Variants in MPP1 observed in about 807,000 individuals in gnomAD.
MPP1 encodes the protein MAGUK p55 scaffold protein 1.
MPP1 carries 6 observed loss-of-function variants against 38.2 expected under a neutral mutation model. The observed-to-expected ratio is 0.16, with a 90% CI of 0.09 to 0.31. The LOEUF (loss-of-function observed/expected upper bound fraction) is 0.31. Among genes scored for constraint, MPP1 ranks in the 10% least tolerant of loss-of-function variants. The pLI is 1.00. For missense variants in MPP1, 293 were observed against 368.9 expected (o/e 0.79, Z 1.69); for synonymous variants, 153 against 146.3 (o/e 1.05, Z -0.33).
At chrX:154,792,004 TTGAGA>T (rs2072147026) in intron 2 of MPP1, 133 bp downstream of exon 2, 1 of 1,018,685 alleles carries the variant, frequency 9.8e-7, no homozygotes, top group African/African-American at 1.9e-5. Flanking sequence ...GAGGAGGAAT[TTGAGA>T]TAAGAATGAA....
intron 1 of MPP1, among the ~76,000 whole-genome samples, chrX:154,805,067 G>A (rs1338912873): frequency 8.8e-6 from 1 of 113,141 alleles, no homozygotes; most frequent in Non-Finnish European, 1.9e-5. Flanking sequence ...ACTGCTGGGG[G>A]CAAGGATCCA....
chrX:154,783,415 A>G lies in MPP1; in HGVS notation c.946+12T>C. ...TGTCACCTCCCCTCCAAGGTGCCTA[A>G]GAGCTACTTACATGGGACAGGGTAC... On this transcript the variant is annotated intron_variant, in intron 9 of 11. Coordinates refer to ENST00000369534, the MANE Select transcript of MPP1 (RefSeq NM_002436.4). 8.4e-7 allele frequency: 1 copy of G among 1,195,668 alleles called. No homozygotes were observed.
rs782621821 is a variant in MPP1, at chrX:154,779,318, C to T, written c.1260G>A (p.Glu420=). The T allele has an allele frequency of 1.7e-6, 2 of 1,208,691 alleles. No individual in the cohort carries two copies. Among genetic ancestry groups the T allele is most frequent in the African/African-American group, 1.7e-5 (1 of 57,217 alleles). ...EALQQLQKDS[E]AIRSQYAHYF... ...AGTGAGCGTACTGGCTGCGGATGGC[C>T]TCAGAGTCCTTCTGCAGCTGCTGCA... is the stretch of plus-strand genomic sequence containing the variant. The change falls in exon 12 of 12, where the codon GAG becomes GAA. Residue 420 remains glutamate, a synonymous_variant. Transcript: ENST00000369534.
chrX:154,783,553 C>A lies in MPP1; in HGVS notation c.866-46G>T, dbSNP rs924923017. ...ATCTTTTGGAAAGGGGGGAGAGGAG[C>A]GAGGATAAGATACGGATTTTCCTCT... On this transcript the variant is annotated intron_variant, in intron 8 of 11. Transcript: ENST00000369534. The A allele has an allele frequency of 2.8e-6, 3 of 1,068,196 alleles. No homozygotes were observed. In the African/African-American group the frequency reaches 5.5e-5, roughly 20 times the overall value. 88.0% of individuals were successfully genotyped at this position (1,068,196 alleles called of 1,213,427 possible). A position where few individuals can be genotyped will look rare whatever the true frequency, so the allele number is the denominator to read the frequency against.
chrX:154,781,049 G>A (rs1444310357), intron 11 of MPP1, among the ~76,000 whole-genome samples, 190 bp downstream of exon 11: 4 of 111,735 alleles, frequency 3.6e-5, no homozygotes, highest in African/African-American at 1.3e-4. Flanking sequence ...GGTAGCATGG[G>A]CACTGGCCTA....
chrX:154,805,157 T>C, intron 1 of MPP1, 115 bp downstream of exon 1: 1 of 754,790 alleles, frequency 1.3e-6, no homozygotes, highest in Non-Finnish European at 1.9e-6. Flanking sequence ...CTCCGACCTA[T>C]GGCCAGGACC....
At chrX:154,804,104 G>A (rs1315007151) in intron 1 of MPP1, among the ~76,000 whole-genome samples, 2 of 112,155 alleles carry the variant, frequency 1.8e-5, no homozygotes, top group Non-Finnish European at 1.9e-5. Flanking sequence ...GTAAGGCAAT[G>A]CGGTGCAGCA....
At chrX:154,802,743 A>G (rs1197254648) in intron 1 of MPP1, among the ~76,000 whole-genome samples, 1 of 112,356 alleles carries the variant, frequency 8.9e-6, no homozygotes, top group South Asian at 3.6e-4. Context: ...GATAGGCTAC[A>G]TTCAAACCTA....
intron 1 of MPP1, among the ~76,000 whole-genome samples, chrX:154,793,630 C>T (rs897164055): frequency 9.0e-6 from 1 of 111,357 alleles, no homozygotes; most frequent in Non-Finnish European, 1.9e-5. Flanking sequence ...ATCTTTTTGG[C>T]GCCATTCCAA....
rs782255707 is a variant in MPP1, at chrX:154,798,699, ATTG to A, written c.103-6417_103-6415del. On this transcript the variant is annotated intron_variant, in intron 1 of 11. Coordinates refer to ENST00000369534, the MANE Select transcript of MPP1 (RefSeq NM_002436.4). ...GGGGATGGAACAGTTCTCTATCTTCATTGTGGTGGTGGCTAGAGGAATTTTATT... is the reference window on the plus strand; with the variant it reads ...GGGGATGGAACAGTTCTCTATCTTCATGGTGGTGGCTAGAGGAATTTTATT... Among the ~76,000 whole-genome samples, 8 of 111,567 alleles carry A rather than the reference ATTG, an allele frequency of 7.2e-5. No individual in the cohort carries two copies. In the East Asian group the frequency reaches 2.2e-3, roughly 31 times the overall value.
Position 154,805,307 on chromosome X carries a change from G to C in MPP1, c.67C>G (p.Leu23Val). 1 of 1,207,971 alleles carries C rather than the reference G, an allele frequency of 8.3e-7. No homozygotes were observed. The highest frequency in any genetic ancestry group is 3.0e-5 in the East Asian group (1 of 33,773). Residue 23 changes from leucine (L) to valine (V), a missense_variant, in exon 1 of 12, where the codon CTG becomes GTG. By Grantham distance (32) the Leu-to-Val change is conservative. Coordinates refer to ENST00000369534, the MANE Select transcript of MPP1 (RefSeq NM_002436.4). ...SMHTALSDLY[L>V]EHLLQKRSRP... ...CTACGCTTCTGCAGCAAATGCTCCA[G>C]GTAGAGGTCGGAGAGCGCCGTGTGC... is the stretch of plus-strand genomic sequence containing the variant.
chrX:154,781,937 C>A (rs1394833045), intron 9 of MPP1, 135 bp from the exon 10 acceptor site: 56 of 538,473 alleles, frequency 1.0e-4, no homozygotes, highest in Non-Finnish European at 1.6e-4. Context: ...CTCCCGTGGG[C>A]TCCTGAAGAG....
chrX:154,781,604 G>A lies in MPP1; in HGVS notation c.1145C>T (p.Pro382Leu). 1 of 1,210,052 alleles carries A rather than the reference G, an allele frequency of 8.3e-7. No individual in the cohort carries two copies. Among genetic ancestry groups the A allele is most frequent in the Non-Finnish European group, 1.1e-6 (1 of 895,007 alleles). ...QNKIAILDIE[P>L]QTLKIVRTAE... is the part of the protein sequence containing the mutation. ...TGCCCTTCCATGCCTACCCACCTGGGGCTCAATGTCAAGGATGGCAATCTT... is the reference window on the plus strand; with the variant it reads ...TGCCCTTCCATGCCTACCCACCTGGAGCTCAATGTCAAGGATGGCAATCTT... The change falls in exon 10 of 12, where the codon CCC becomes CTC. Residue 382 changes from proline to leucine, a missense_variant. Transcript: ENST00000369534.
At chrX:154,791,982 G>A in intron 2 of MPP1, 135 bp from the exon 3 acceptor site, 1 of 977,241 alleles carries the variant, frequency 1.0e-6, no homozygotes, top group Non-Finnish European at 1.4e-6. Flanking sequence ...GAACAGGCAT[G>A]AAGCCTGCTT....
chrX:154,781,199 G>A (rs202091493), intron 11 of MPP1, 40 bp downstream of exon 11: 11 of 1,124,955 alleles, frequency 9.8e-6, no homozygotes, highest in Middle Eastern at 2.5e-4. Context: ...GGGCAGGCCC[G>A]GAGAAAGTGA....
At position 154,805,464 on chromosome X, in the gene MPP1, A is replaced by G. The variant is rs1390170878; in HGVS notation, c.-91T>C. ...TGCGGGGCTGCGGAGAAGGCGGGAG[A>G]CGCGGTGCGGCTGGGCCAGTCACCG... On this transcript the variant is annotated 5_prime_UTR_variant, in exon 1 of 12. Coordinates refer to ENST00000369534, the MANE Select transcript of MPP1 (RefSeq NM_002436.4). 2.2e-6 allele frequency: 2 copies of G among 926,242 alleles called. No homozygotes were observed. The highest frequency in any genetic ancestry group is 3.0e-6 in the Non-Finnish European group (2 of 669,284). 76.3% of individuals were successfully genotyped at this position (926,242 alleles called of 1,213,427 possible). A position where few individuals can be genotyped will look rare whatever the true frequency, so the allele number is the denominator to read the frequency against.
At position 154,791,774 on chromosome X, in the gene MPP1, C is replaced by T. The variant is rs1557267756; in HGVS notation, c.320G>A (p.Arg107Lys). The change falls in exon 3 of 12, where the codon AGA becomes AAA. Residue 107 changes from arginine (R) to lysine (K), a missense_variant. Physicochemically the swap from Arg to Lys is conservative, Grantham distance 26. Coordinates refer to ENST00000369534, the MANE Select transcript of MPP1 (RefSeq NM_002436.4). Reference sequence around the variant, plus strand: ...CCAGAGCTCCCACAGAGTACCTTGTCTATGGATCATGCCACCATGAAGAAT... The same window carrying T: ...CCAGAGCTCCCACAGAGTACCTTGTTTATGGATCATGCCACCATGAAGAAT... ...ARILHGGMIH[R>K]QGSLHVGDEI... The T allele has an allele frequency of 1.1e-5, 13 of 1,209,144 alleles. No homozygotes were observed. The highest frequency in any genetic ancestry group is 4.5e-6 in the Non-Finnish European group (4 of 893,072).
At chrX:154,782,669 T>A (rs1408197647) in intron 9 of MPP1, 6 of 112,877 alleles carry the variant, frequency 5.3e-5, no homozygotes, top group African/African-American at 1.9e-4. Flanking sequence ...TCACTTAATA[T>A]TATTATCAGT....
chrX:154,778,894 T>G lies in MPP1; in HGVS notation c.*283A>C, dbSNP rs782589931. The G allele has an allele frequency of 9.4e-6, 3 of 320,208 alleles. No individual in the cohort carries two copies. The highest frequency in any genetic ancestry group is 1.6e-5 in the Non-Finnish European group (3 of 185,849). The allele number at this position is 320,208 out of a possible 1,213,427, so 26.4% of individuals were successfully genotyped here. On this transcript the variant is annotated 3_prime_UTR_variant, in exon 12 of 12. Coordinates refer to ENST00000369534, the MANE Select transcript of MPP1 (RefSeq NM_002436.4). Reference sequence around the variant, plus strand: ...GGGATGGGGTCCATTGCTTTTGCTGTGCATCACCCTTGATTAGCAGTTACA... The same window carrying G: ...GGGATGGGGTCCATTGCTTTTGCTGGGCATCACCCTTGATTAGCAGTTACA...
Sources: gnomAD v4.1 joint callset for allele counts (sites outside exome capture counted in the v4.1 genomes callset) on GRCh38, gnomAD v4.1.1 for gene constraint, MANE v1.5 for transcripts, NCBI Gene and HGNC (gene_info 2026-07-23, HGNC 2026-07-21) for gene names.